The following CTNND2 variants were observed in gnomAD, a reference collection of about 807,000 sequenced individuals.
CTNND2 encodes catenin delta 2.
Under a neutral mutation model 144.4 loss-of-function variants are expected in CTNND2, and 22 were observed. The ratio of observed to expected loss-of-function variants is 0.15; its 90% CI spans 0.11 to 0.22. The LOEUF is 0.22. Among genes scored for constraint, CTNND2 ranks in the 10% least tolerant of loss-of-function variants. CTNND2 has a pLI of 1.00. For missense variants in CTNND2, 1,353 were observed against 1,618.8 expected, an observed-to-expected ratio of 0.84 and a Z score of 2.82; for synonymous variants, 751 against 695.6, an observed-to-expected ratio of 1.08 and a Z score of -1.25.
chr5:10,972,003 G>A lies in CTNND2; in HGVS notation c.*1450C>T, dbSNP rs1350053739. On this transcript the variant is annotated 3_prime_UTR_variant, in exon 22 of 22. Transcript: ENST00000304623. Reference sequence around the variant, plus strand: ...TAGCTCTGTTAACCACTATTCTAACGTTAGCTTCAAGTTCAGTTTTAATAA... The same window carrying A: ...TAGCTCTGTTAACCACTATTCTAACATTAGCTTCAAGTTCAGTTTTAATAA... The A allele has an allele frequency of 6.6e-6, 1 of 152,606 alleles. No homozygotes were observed. Among genetic ancestry groups the A allele is most frequent in the African/African-American group, 2.4e-5 (1 of 41,436 alleles). The allele number at this position is 152,606 out of a possible 1,614,324, so 9.5% of individuals were successfully genotyped here. A position where few individuals can be genotyped will look rare whatever the true frequency, so the allele number is the denominator to read the frequency against.
intron 3 of CTNND2, among the ~76,000 whole-genome samples, chr5:11,468,773 A>T (rs1766899462): frequency 6.6e-6 from 1 of 152,056 alleles, no homozygotes; most frequent in South Asian, 2.1e-4. Flanking sequence ...GAAATTGCTG[A>T]TTATTCATGG....
At chr5:11,872,287 T>C (rs557771348) in intron 1 of CTNND2, among the ~76,000 whole-genome samples, 2 of 152,342 alleles carry the variant, frequency 1.3e-5, no homozygotes, top group Admixed American at 6.5e-5. Context: ...CTATCACTGA[T>C]GGGCATTTGG....
At chr5:11,090,358 T>C (rs762811803) in intron 15 of CTNND2, among the ~76,000 whole-genome samples, 23 of 152,220 alleles carry the variant, frequency 1.5e-4, no homozygotes, top group South Asian at 6.2e-4. Flanking sequence ...CTCAGTGCAA[T>C]TGGTGGACTA....
chr5:11,880,164 T>C (rs1735922142), intron 1 of CTNND2, among the ~76,000 whole-genome samples: 1 of 152,106 alleles, frequency 6.6e-6, no homozygotes, highest in African/African-American at 2.4e-5. Flanking sequence ...CCTTATTCAA[T>C]TATAAAATAT....
chr5:11,302,190 A>G (rs748613874), intron 9 of CTNND2, among the ~76,000 whole-genome samples: 10 of 152,004 alleles, frequency 6.6e-5, no homozygotes, highest in African/African-American at 1.7e-4. Flanking sequence ...GGCTCTTCCC[A>G]TCAGTACTGA....
At chr5:11,774,561 T>TAAAAAAAAAAAAAA (rs1202575547) in intron 1 of CTNND2, among the ~76,000 whole-genome samples, 50 of 116,772 alleles carry the variant, frequency 4.3e-4, no homozygotes, top group Non-Finnish European at 6.2e-4. Context: ...AAAAAAAAAT[T>TAAAAAAAAAAAAAA]AAAAAAAAAA....
chr5:11,549,154 T>A (rs1775531325), intron 3 of CTNND2, among the ~76,000 whole-genome samples: 1 of 152,208 alleles, frequency 6.6e-6, no homozygotes. Context: ...AGGAAAGTAT[T>A]TTTAACCAGC....
chr5:11,038,913 G>A (rs1744379873), intron 16 of CTNND2, among the ~76,000 whole-genome samples: 2 of 152,128 alleles, frequency 1.3e-5, no homozygotes, highest in South Asian at 4.1e-4. Flanking sequence ...CCAAACACCT[G>A]TGGTTAAATC....
Position 10,973,510 on chromosome 5 carries a change from G to A in CTNND2, c.3621C>T (p.Tyr1207=), listed in dbSNP as rs1249196034. Residue 1207 remains tyrosine (Y), a synonymous_variant, in exon 22 of 22, where the codon TAC becomes TAT. Transcript: ENST00000304623. This position sits in a 1 kb window ranked among gnomAD's most constrained non-coding sequence, Gnocchi z 5.6. ...GGCTCGTTTCATAGTTCAGTTCACT[G>A]TAGGGACGGGCAGCTGAGTAGAAGT... ...YVDFYSAARP[Y]SELNYETSHY... is the part of the protein sequence containing the mutation. 6.2e-7 allele frequency: 1 copy of A among 1,612,592 alleles called. No homozygotes were observed. The highest frequency in any genetic ancestry group is 1.1e-5 in the South Asian group (1 of 90,768).
chr5:11,647,252 G>A (rs1196050949), intron 2 of CTNND2, among the ~76,000 whole-genome samples: 2 of 152,096 alleles, frequency 1.3e-5, no homozygotes, highest in Non-Finnish European at 2.9e-5. Flanking sequence ...GTCATTGCTA[G>A]TCCGGCAAAA....
At chr5:11,109,245 G>C (rs75975104) in intron 14 of CTNND2, among the ~76,000 whole-genome samples, 2 of 152,036 alleles carry the variant, frequency 1.3e-5, no homozygotes, top group Non-Finnish European at 2.9e-5. Context: ...ACAGGAGCTC[G>C]TAGTCTGGTG....
chr5:11,293,824 G>A (rs1442148193), intron 9 of CTNND2, among the ~76,000 whole-genome samples: 4 of 145,278 alleles, frequency 2.8e-5, no homozygotes, highest in Admixed American at 1.4e-4. Context: ...TTTGCCTGTG[G>A]TTAATGCTTA....
chr5:11,281,936 T>C (rs1023352173), intron 9 of CTNND2, among the ~76,000 whole-genome samples: 2 of 152,174 alleles, frequency 1.3e-5, no homozygotes, highest in Non-Finnish European at 2.9e-5. Context: ...GCCCATAACA[T>C]AGTGCTGAAT....
At chr5:11,869,285 C>T (rs1054706602) in intron 1 of CTNND2, among the ~76,000 whole-genome samples, 1 of 152,210 alleles carries the variant, frequency 6.6e-6, no homozygotes, top group Non-Finnish European at 1.5e-5. Context: ...ATGTTCACAG[C>T]AGCATTATTC....
At chr5:11,715,880 A>G (rs1207127093) in intron 2 of CTNND2, among the ~76,000 whole-genome samples, 1 of 152,248 alleles carries the variant, frequency 6.6e-6, no homozygotes, top group Non-Finnish European at 1.5e-5. Flanking sequence ...GAATACTGGG[A>G]TCTCTCACTG....
At chr5:11,820,361 CTTA>C in intron 1 of CTNND2, among the ~76,000 whole-genome samples, 1 of 152,264 alleles carries the variant, frequency 6.6e-6, no homozygotes, top group Non-Finnish European at 1.5e-5. Flanking sequence ...AAGGCTCAAA[CTTA>C]GAAGAAGAAT....
At chr5:11,655,538 T>C (rs1782867047) in intron 2 of CTNND2, among the ~76,000 whole-genome samples, 1 of 152,106 alleles carries the variant, frequency 6.6e-6, no homozygotes, top group African/African-American at 2.4e-5. Flanking sequence ...CTTGTCATGA[T>C]CAATCCTTCC....
chr5:11,011,469 G>A (rs4702783), intron 18 of CTNND2, among the ~76,000 whole-genome samples: 56,163 of 151,734 alleles, frequency 0.37, 11,254 homozygotes, highest in African/African-American at 0.52. Flanking sequence ...CGCCTATCTC[G>A]GCCTCCCAAA....
intron 14 of CTNND2, among the ~76,000 whole-genome samples, chr5:11,107,224 T>C (rs867804639): frequency 1.3e-5 from 2 of 152,242 alleles, no homozygotes; most frequent in Non-Finnish European, 1.5e-5. Flanking sequence ...AGTGCTATTT[T>C]ACTCACATAT....
Sources: gnomAD v4.1 joint callset for allele counts (sites outside exome capture counted in the v4.1 genomes callset) on GRCh38, gnomAD v4.1.1 for gene constraint, Gnocchi (gnomAD v3.1) non-coding constraint, MANE v1.5 for transcripts, NCBI Gene and HGNC (gene_info 2026-07-23, HGNC 2026-07-21) for gene names.